KCNQ1: variants seen among roughly 807,000 people sequenced by gnomAD.
The protein encoded by KCNQ1 is potassium voltage-gated channel subfamily Q member 1.
In KCNQ1, 49 loss-of-function variants were observed where a neutral mutation model predicts 72.4. That is an observed-to-expected ratio of 0.68 (90% CI 0.54 to 0.86). The LOEUF (loss-of-function observed/expected upper bound fraction) is 0.86, where lower values mean the gene tolerates loss of function less well. Ranked by LOEUF, KCNQ1 falls within the 40% of genes least tolerant of loss-of-function variation. KCNQ1 has a pLI of 0.00. For missense variants in KCNQ1, 790 were observed against 945.1 expected (o/e 0.84, Z 2.15); for synonymous variants, 450 against 412.6 (o/e 1.09, Z -1.10).
intron 1 of KCNQ1, among the ~76,000 whole-genome samples, chr11:2,487,776 G>T (rs1346986596): frequency 1.1e-4 from 16 of 151,980 alleles, no homozygotes; most frequent in Admixed American, 1.0e-3. Context: ...AATCTTTAGG[G>T]GTTTCTACAT....
At position 2,652,696 on chromosome 11, in the gene KCNQ1, GCT is replaced by G. The variant is rs1251882115; in HGVS notation, c.1394-9260_1394-9259del. The stretch of plus-strand genomic sequence containing the variant: ...TTTTAGTTGTGTGGGTGGCTGTGTT[GCT>G]CTCTTTCCGTTTCCTGGGCTCACTC... On this transcript the variant is annotated intron_variant, in intron 10 of 15. Transcript: ENST00000155840. The surrounding 1 kb of genome is among the most constrained non-coding windows in gnomAD (Gnocchi z 5.9). The G allele has an allele frequency of 2.5e-6, 1 of 398,738 alleles. No individual in the cohort carries two copies. 24.7% of individuals were successfully genotyped at this position (398,738 alleles called of 1,614,324 possible).
At chr11:2,500,697 A>C (rs1036725132) in intron 1 of KCNQ1, among the ~76,000 whole-genome samples, 1 of 152,192 alleles carries the variant, frequency 6.6e-6, no homozygotes, top group Non-Finnish European at 1.5e-5. Context: ...TGCAGCCATA[A>C]AAAAAGATGA....
chr11:2,630,655 G>A (rs1048616488), intron 10 of KCNQ1: 14 of 398,050 alleles, frequency 3.5e-5, no homozygotes, highest in East Asian at 2.9e-4. Flanking sequence ...TAAGTTGCCC[G>A]TATATTTATT....
At chr11:2,675,871 G>A (rs1850284427) in intron 11 of KCNQ1, 3 of 398,590 alleles carry the variant, frequency 7.5e-6, no homozygotes, top group Non-Finnish European at 1.3e-5. Context: ...GCCTTCTGGG[G>A]AGCCAATCGT....
At chr11:2,581,498 C>A (rs529040987) in intron 6 of KCNQ1, among the ~76,000 whole-genome samples, 1 of 152,344 alleles carries the variant, frequency 6.6e-6, no homozygotes, top group Non-Finnish European at 1.5e-5. Flanking sequence ...CTCCGGTTCC[C>A]CCAGGGCCCC....
Position 2,711,608 on chromosome 11 carries a change from G to A in KCNQ1, c.1514+49527G>A, listed in dbSNP as rs940662241. 2.0e-5 allele frequency among the ~76,000 whole-genome samples: 3 copies of A among 152,152 alleles called. No homozygotes were observed. In the South Asian group the frequency reaches 6.2e-4, roughly 32 times the overall value. On this transcript the variant is annotated intron_variant, in intron 11 of 15. Coordinates refer to ENST00000155840, the MANE Select transcript of KCNQ1 (RefSeq NM_000218.3). This position sits in a 1 kb window ranked among gnomAD's most constrained non-coding sequence, Gnocchi z 5.4. ...ACCAACCTCTGTACCCCACGGCCAT[G>A]CACAAGGCACAGGGTCCCACAGAGG...
rs1850423526 is a variant in KCNQ1, at chr11:2,682,945, G to A, written c.1514+20864G>A. The stretch of plus-strand genomic sequence containing the variant: ...GGTGCTCAGGTCTGTGTGGAAGAAA[G>A]GACAGGAGTCCTTCTGCCACCCAGA... On this transcript the variant is annotated intron_variant, in intron 11 of 15. Transcript: ENST00000155840. This position sits in a 1 kb window ranked among gnomAD's most constrained non-coding sequence, Gnocchi z 5.8. The A allele has an allele frequency of 2.5e-6, 1 of 398,460 alleles. No homozygotes were observed. Among genetic ancestry groups the A allele is most frequent in the South Asian group, 1.3e-4 (1 of 7,832 alleles). 24.7% of individuals were successfully genotyped at this position (398,460 alleles called of 1,614,324 possible).
rs1199273803 is a variant in KCNQ1 at position 2,507,767 on chromosome 11, T to A, written c.387-20161T>A. Among the ~76,000 whole-genome samples, 1 of 151,976 alleles carries A rather than the reference T, an allele frequency of 6.6e-6. No homozygotes were observed. Among genetic ancestry groups the A allele is most frequent in the Non-Finnish European group, 1.5e-5 (1 of 67,972 alleles). ...ATGAGCGCAGGGGCTAGACAGGGCC[T>A]CCTGTAGCCTGGGTGGGTGGAAGGG... is the stretch of plus-strand genomic sequence containing the variant. On this transcript the variant is annotated intron_variant, in intron 1 of 15. Coordinates refer to ENST00000155840, the MANE Select transcript of KCNQ1 (RefSeq NM_000218.3). This position sits in a 1 kb window ranked among gnomAD's most constrained non-coding sequence, Gnocchi z 5.4.
chr11:2,764,472 G>A lies in KCNQ1; in HGVS notation c.1515-4372G>A, dbSNP rs1431830364. Among the ~76,000 whole-genome samples, 1 of 152,106 alleles carries A rather than the reference G, an allele frequency of 6.6e-6. No individual in the cohort carries two copies. The highest frequency in any genetic ancestry group is 1.5e-5 in the Non-Finnish European group (1 of 68,022). On this transcript the variant is annotated intron_variant, in intron 11 of 15. Transcript: ENST00000155840. The surrounding 1 kb of genome is among the most constrained non-coding windows in gnomAD (Gnocchi z 4.8). ...TGGTGGTTAGGATATTTGCACGTATGTTCACGAGAGAGATTAACCTGTGAT... is the reference window on the plus strand; with the variant it reads ...TGGTGGTTAGGATATTTGCACGTATATTCACGAGAGAGATTAACCTGTGAT...
rs1326690888 is a variant in KCNQ1 at position 2,620,969 on chromosome 11, G to C, written c.1393+32115G>C. ...TTTTGTTTTTTTTTGTCTGTTTTTT[G>C]CTTTTTTGTTTGTTTGTTTGTTTTT... On this transcript the variant is annotated intron_variant, in intron 10 of 15. Coordinates refer to ENST00000155840, the MANE Select transcript of KCNQ1 (RefSeq NM_000218.3). The surrounding 1 kb of genome is among the most constrained non-coding windows in gnomAD (Gnocchi z 4.5). 2 of 381,052 alleles carry C rather than the reference G, an allele frequency of 5.2e-6. No homozygotes were observed. The highest frequency in any genetic ancestry group is 1.4e-4 in the South Asian group (1 of 6,986). The allele number at this position is 381,052 out of a possible 1,614,324, so 23.6% of individuals were successfully genotyped here.
intron 10 of KCNQ1, chr11:2,619,638 T>C: frequency 2.5e-6 from 1 of 398,552 alleles, no homozygotes; most frequent in Non-Finnish European, 4.4e-6. Flanking sequence ...TTTCTTGTGA[T>C]GCCTTTGGCT....
chr11:2,718,263 G>A (rs974737465), intron 11 of KCNQ1, among the ~76,000 whole-genome samples: 1 of 152,156 alleles, frequency 6.6e-6, no homozygotes, highest in Non-Finnish European at 1.5e-5. Context: ...GGGCTTCAGG[G>A]GCCTGAGCCC....
At position 2,543,485 on chromosome 11, in the gene KCNQ1, G is replaced by A. The variant is rs1474097134; in HGVS notation, c.477+15467G>A. On this transcript the variant is annotated intron_variant, in intron 2 of 15. Coordinates refer to ENST00000155840, the MANE Select transcript of KCNQ1 (RefSeq NM_000218.3). The surrounding 1 kb of genome is among the most constrained non-coding windows in gnomAD (Gnocchi z 5.6). ...GACAGGGTCTCACTTTGTTGCCCAG[G>A]CTGGTGTCAAACTCCTGGCCTCAAG... Among the ~76,000 whole-genome samples, 2 of 152,100 alleles carry A rather than the reference G, an allele frequency of 1.3e-5. No individual in the cohort carries two copies. Among genetic ancestry groups the A allele is most frequent in the African/African-American group, 2.4e-5 (1 of 41,414 alleles).
At chr11:2,775,349 G>T (rs1418754581) in intron 12 of KCNQ1, among the ~76,000 whole-genome samples, 8 of 152,326 alleles carry the variant, frequency 5.3e-5, no homozygotes, top group Non-Finnish European at 1.0e-4. Flanking sequence ...GCCTCACATG[G>T]CCCCAGCCCC....
At position 2,658,483 on chromosome 11, in the gene KCNQ1, AT is replaced by A; in HGVS notation, c.1394-3473del. ...GTGCCCCCCGCCATCCTTTTCATTT[AT>A]TTTTAAGCATTTCTTTTCTAGCACT... On this transcript the variant is annotated intron_variant, in intron 10 of 15. Coordinates refer to ENST00000155840, the MANE Select transcript of KCNQ1 (RefSeq NM_000218.3). The surrounding 1 kb of genome is among the most constrained non-coding windows in gnomAD (Gnocchi z 4.9). 3 of 398,346 alleles carry A rather than the reference AT, an allele frequency of 7.5e-6. No homozygotes were observed. The highest frequency in any genetic ancestry group is 8.8e-5 in the Admixed American group (2 of 22,710). 24.7% of individuals were successfully genotyped at this position (398,346 alleles called of 1,614,324 possible).
intron 15 of KCNQ1, among the ~76,000 whole-genome samples, chr11:2,799,064 A>T (rs2134021803): frequency 6.6e-6 from 1 of 152,334 alleles, no homozygotes; most frequent in East Asian, 1.9e-4. Context: ...TCAAAGGAGG[A>T]CAAAGCAGCT....
chr11:2,485,400 G>C (rs182119089), intron 1 of KCNQ1, among the ~76,000 whole-genome samples: 2 of 116,076 alleles, frequency 1.7e-5, no homozygotes, highest in Non-Finnish European at 3.3e-5. Context: ...CAGCTCTTCA[G>C]CCTTTCATGT....
At chr11:2,806,245 T>G (rs1847370763) in intron 15 of KCNQ1, among the ~76,000 whole-genome samples, 1 of 152,200 alleles carries the variant, frequency 6.6e-6, no homozygotes, top group Non-Finnish European at 1.5e-5. Context: ...AAGTGGTTCT[T>G]ACCTCCATAA....
At chr11:2,630,998 C>A (rs1249814181) in intron 10 of KCNQ1, 3 of 398,378 alleles carry the variant, frequency 7.5e-6, no homozygotes, top group Non-Finnish European at 1.3e-5. Flanking sequence ...TATCTTGCCG[C>A]TTTCAAAATT....
Sources: gnomAD v4.1 joint callset for allele counts (sites outside exome capture counted in the v4.1 genomes callset) on GRCh38, gnomAD v4.1.1 for gene constraint, Gnocchi (gnomAD v3.1) non-coding constraint, MANE v1.5 for transcripts, NCBI Gene and HGNC (gene_info 2026-07-23, HGNC 2026-07-21) for gene names.